The following ESRRB variants were observed in gnomAD, a reference collection of about 807,000 sequenced individuals.
The protein encoded by ESRRB is estrogen related receptor beta, also known as steroid hormone receptor ERR2.
A neutral mutation model predicts 46.0 loss-of-function variants in ESRRB; 16 were observed. The observed-to-expected ratio is 0.35, with a 90% CI of 0.24 to 0.53. ESRRB has a LOEUF of 0.53. Among genes scored for constraint, ESRRB ranks in the 20% least tolerant of loss-of-function variants. The pLI is 0.93. For synonymous variants in ESRRB, 246 were observed against 259.6 expected (o/e 0.95, Z 0.50); for missense variants, 488 against 607.4 (o/e 0.80, Z 2.07).
At chr14:76,404,352 T>C (rs939258039) in intron 1 of ESRRB, 21 of 148,802 alleles carry the variant, frequency 1.4e-4, no homozygotes, top group Admixed American at 1.3e-3. Flanking sequence ...ATATTATTTA[T>C]ATAATATTAT....
chr14:76,423,639 A>G (rs1887071350), intron 1 of ESRRB, among the ~76,000 whole-genome samples: 1 of 151,960 alleles, frequency 6.6e-6, no homozygotes, highest in South Asian at 2.1e-4. Context: ...ATCCTGAGGG[A>G]GTGCAGGCCT....
rs1262317328 is a variant in ESRRB, at chr14:76,439,702, G to A, written c.412G>A (p.Val138Met). The A allele has an allele frequency of 3.1e-6, 5 of 1,614,044 alleles. No individual in the cohort carries two copies. The Admixed American group carries it at 6.7e-5, about 22-fold the overall frequency. ...GDIASGYHYG[V>M]ASCEACKAFF... ...CATTGCCTCTGGCTACCACTACGGC[G>A]TGGCCTCCTGCGAGGCTTGCAAGGC... Residue 138 changes from valine to methionine, a missense_variant, in exon 2 of 7, where the codon GTG becomes ATG. By Grantham distance (21) the Val-to-Met change is conservative (BLOSUM62 1). Transcript: ENST00000644823.
chr14:76,332,905 AC>A (rs1884053680), intron 1 of ESRRB, among the ~76,000 whole-genome samples: 4 of 12,562 alleles, frequency 3.2e-4, no homozygotes, highest in South Asian at 3.4e-3. Context: ...TATATTATAT[AC>A]TTATATATTA....
upstream of ESRRB, among the ~76,000 whole-genome samples, chr14:76,373,063 C>G (rs1052736013): frequency 5.3e-5 from 8 of 152,158 alleles, no homozygotes; most frequent in African/African-American, 1.9e-4. Context: ...TAATGAATAT[C>G]AATTTAAAGG....
chr14:76,466,756 ACT>A (rs1236021032), intron 3 of ESRRB, among the ~76,000 whole-genome samples: 1 of 149,966 alleles, frequency 6.7e-6, no homozygotes, highest in Non-Finnish European at 1.5e-5. Flanking sequence ...AAAAAGCCTC[ACT>A]CTGTCGCCAG....
At chr14:76,461,478 C>CTTTTG (rs147348934) in intron 2 of ESRRB, among the ~76,000 whole-genome samples, 9,317 of 150,320 alleles carry the variant, frequency 0.062, 341 homozygotes, top group South Asian at 0.13. Context: ...GGTAGCCATT[C>CTTTTG]TTTTGTTTTG....
chr14:76,372,308 C>T (rs888875483), upstream of ESRRB, among the ~76,000 whole-genome samples: 1 of 152,082 alleles, frequency 6.6e-6, no homozygotes, highest in Non-Finnish European at 1.5e-5. Flanking sequence ...AATTATCTGC[C>T]ACCTGGAGCA....
chr14:76,455,611 A>T (rs1888572571), intron 2 of ESRRB, among the ~76,000 whole-genome samples: 1 of 152,140 alleles, frequency 6.6e-6, no homozygotes. Flanking sequence ...TTGGGAAAGC[A>T]TGTAGTTCAT....
intron 1 of ESRRB, among the ~76,000 whole-genome samples, chr14:76,437,290 C>T (rs1046223637): frequency 6.6e-6 from 1 of 152,184 alleles, no homozygotes; most frequent in African/African-American, 2.4e-5. Flanking sequence ...CCTCAGCCTC[C>T]CAAAGTTCTG....
chr14:76,387,442 A>G (rs1405778382), intron 1 of ESRRB, among the ~76,000 whole-genome samples: 2 of 152,144 alleles, frequency 1.3e-5, no homozygotes, highest in African/African-American at 4.8e-5. Flanking sequence ...CCAGGGGGTG[A>G]GCCTTCAGAA....
Position 76,501,395 on chromosome 14 carries a change from G to T in ESRRB, c.*2937G>T, listed in dbSNP as rs1425668952. ...GGGCCACACTTTAAGAACCAAGTAA[G>T]AGGCTCTCAAGACTCCAGCAGAGTC... On this transcript the variant is annotated 3_prime_UTR_variant, in exon 7 of 7. Coordinates refer to ENST00000644823, the MANE Select transcript of ESRRB (RefSeq NM_001379180.1). The T allele has an allele frequency of 6.6e-6, 1 of 152,330 alleles. No individual in the cohort carries two copies. Among genetic ancestry groups the T allele is most frequent in the Non-Finnish European group, 1.5e-5 (1 of 68,194 alleles). 9.4% of individuals were successfully genotyped at this position (152,330 alleles called of 1,614,324 possible). A position where few individuals can be genotyped will look rare whatever the true frequency, so the allele number is the denominator to read the frequency against.
At chr14:76,322,455 C>T (rs1201197251) in intron 1 of ESRRB, among the ~76,000 whole-genome samples, 1 of 152,218 alleles carries the variant, frequency 6.6e-6, no homozygotes, top group Non-Finnish European at 1.5e-5. Context: ...CTTATCACGT[C>T]CACACCTTCC....
At chr14:76,381,573 G>A (rs1885018260) in intron 1 of ESRRB, among the ~76,000 whole-genome samples, 1 of 152,188 alleles carries the variant, frequency 6.6e-6, no homozygotes, top group South Asian at 2.1e-4. Flanking sequence ...TGGCCATACT[G>A]GAAGGATGTG....
chr14:76,368,664 A>C (rs565214821), upstream of ESRRB, among the ~76,000 whole-genome samples: 1 of 151,502 alleles, frequency 6.6e-6, no homozygotes, highest in South Asian at 2.1e-4. Context: ...GGAAAGGCAA[A>C]CCCTCCCAAG....
intron 1 of ESRRB, among the ~76,000 whole-genome samples, chr14:76,401,243 C>G (rs1885931240): frequency 6.6e-6 from 1 of 152,186 alleles, no homozygotes; most frequent in Admixed American, 6.5e-5. Flanking sequence ...GTCTTTACAG[C>G]CTGGAAGACT....
At chr14:76,468,059 T>C (rs2140002898) in intron 3 of ESRRB, among the ~76,000 whole-genome samples, 1 of 152,278 alleles carries the variant, frequency 6.6e-6, no homozygotes, top group East Asian at 1.9e-4. Context: ...CTCCGGGGAT[T>C]CTGGGTAATT....
chr14:76,443,968 T>C (rs1888026423), intron 2 of ESRRB, among the ~76,000 whole-genome samples: 1 of 152,224 alleles, frequency 6.6e-6, no homozygotes. Context: ...AAGAGGTTTA[T>C]ATTCAGGACA....
At chr14:76,403,016 CCTGGG>C (rs1886008717) in intron 1 of ESRRB, among the ~76,000 whole-genome samples, 1 of 152,120 alleles carries the variant, frequency 6.6e-6, no homozygotes, top group South Asian at 2.1e-4. Context: ...CTTTCAAACT[CCTGGG>C]CTCAAGCAAT....
intron 2 of ESRRB, among the ~76,000 whole-genome samples, chr14:76,460,540 G>A (rs1266346840): frequency 6.6e-6 from 1 of 152,206 alleles, no homozygotes; most frequent in Non-Finnish European, 1.5e-5. Context: ...GCTCCTCCCT[G>A]CTCCCTCAGG....
Sources: allele counts gnomAD v4.1 joint callset (sites outside exome capture counted in the v4.1 genomes callset), GRCh38; gene constraint gnomAD v4.1.1; transcripts MANE v1.5; gene names NCBI Gene and HGNC (gene_info 2026-07-23, HGNC 2026-07-21).